The following PTPRS variants were observed in gnomAD, a reference collection of about 807,000 sequenced individuals.
PTPRS encodes the protein protein tyrosine phosphatase receptor type S.
In PTPRS, 63 loss-of-function variants were observed where a neutral mutation model predicts 215.3. The ratio of observed to expected loss-of-function variants is 0.29; its 90% confidence interval spans 0.24 to 0.36. The LOEUF is 0.36. PTPRS is among the 10% of genes least tolerant of loss of function. PTPRS has a pLI of 1.00. For synonymous variants in PTPRS, 1,404 were observed against 1,191.4 expected (o/e 1.18, Z -3.68); for missense variants, 2,258 against 2,825.8 (o/e 0.80, Z 4.56).
intron 1 of PTPRS, among the ~76,000 whole-genome samples, chr19:5,336,628 C>G (rs1303289669): frequency 6.6e-6 from 1 of 152,154 alleles, no homozygotes; most frequent in Non-Finnish European, 1.5e-5. Flanking sequence ...GCCCCGGATA[C>G]GTGCCTTGGT....
chr19:5,267,165 A>G (rs1488614384), intron 4 of PTPRS, among the ~76,000 whole-genome samples: 3 of 138,716 alleles, frequency 2.2e-5, no homozygotes, highest in Non-Finnish European at 4.7e-5. Flanking sequence ...TTGGGTGGTG[A>G]GGTTCTGGCT....
Position 5,223,138 on chromosome 19 carries a change from G to A in PTPRS, c.2654C>T (p.Pro885Leu), listed in dbSNP as rs774339890. Residue 885 changes from proline to leucine, a missense_variant, in exon 18 of 38, where the codon CCC (proline) becomes CTC (leucine). This residue lies in a region of PTPRS where 361 missense variants were observed against 332.6 expected (regional missense o/e 1.09). Coordinates refer to ENST00000262963, the MANE Select transcript of PTPRS (RefSeq NM_002850.4). ...TGATGCCGTGTAGCGGTCCTCGGAG[G>A]GCGGGAACTCCAGGGTGGCCAGGGG... The part of the protein sequence containing the change: ...STPLATLEFP[P>L]SEDRYTASGV... 13 of 1,571,008 alleles carry A rather than the reference G, an allele frequency of 8.3e-6. No individual in the cohort carries two copies. Among genetic ancestry groups the A allele is most frequent in the Non-Finnish European group, 1.7e-6 (2 of 1,158,406 alleles).
rs1228005504 is a variant in PTPRS at position 5,219,478 on chromosome 19, A to T, written c.3766-11T>A. 6.4e-7 allele frequency: 1 copy of T among 1,556,882 alleles called. No homozygotes were observed. The highest frequency in any genetic ancestry group is 2.3e-5 in the East Asian group (1 of 44,264). ...ACTGGCTGCAAAGGTCTGCAGGGAA[A>T]GGAGGGGGGTCTCCATCAGTGTCCA... On this transcript the variant is annotated splice_polypyrimidine_tract_variant and intron_variant, in intron 22 of 37. Transcript: ENST00000262963.
At chr19:5,314,005 C>T (rs943058549) in intron 1 of PTPRS, among the ~76,000 whole-genome samples, 7 of 151,762 alleles carry the variant, frequency 4.6e-5, no homozygotes, top group East Asian at 1.9e-4. Context: ...GGCATGGTGG[C>T]GTGTGTCTGT....
At chr19:5,235,531 C>T (rs1249376761) in intron 13 of PTPRS, among the ~76,000 whole-genome samples, 1 of 152,178 alleles carries the variant, frequency 6.6e-6, no homozygotes, top group African/African-American at 2.4e-5. Context: ...ACACTTAGGC[C>T]ACCTCTTTAT....
Position 5,218,512 on chromosome 19 carries a change from G to C in PTPRS, c.3956C>G (p.Pro1319Arg), listed in dbSNP as rs762505033. 1.9e-6 allele frequency: 3 copies of C among 1,614,134 alleles called. No homozygotes were observed. The highest frequency in any genetic ancestry group is 2.5e-6 in the Non-Finnish European group (3 of 1,180,028). The change falls in exon 25 of 38, where the codon CCC becomes CGC. Residue 1319 changes from proline (P) to arginine (R), a missense_variant. Physicochemically the swap from Pro to Arg is moderately radical, Grantham distance 103 (BLOSUM62 -2). Coordinates refer to ENST00000262963, the MANE Select transcript of PTPRS (RefSeq NM_002850.4). ...ATTGTTCAGGAGGCATTTGGTGCGG[G>C]GTTCTGAGTCCTTGCGTTTACTTTA... ...KPDSKRKDSE[P>R]RTKCLLNNAD...
intron 1 of PTPRS, among the ~76,000 whole-genome samples, chr19:5,300,074 C>G (rs1379571731): frequency 6.6e-6 from 1 of 151,744 alleles, no homozygotes; most frequent in African/African-American, 2.4e-5. Context: ...AACCCCATCT[C>G]TACTAAAAAC....
intron 2 of PTPRS, among the ~76,000 whole-genome samples, chr19:5,282,741 G>A (rs1599930697): frequency 1.3e-5 from 2 of 151,558 alleles, no homozygotes; most frequent in African/African-American, 4.8e-5. Context: ...GGCAGAGGCT[G>A]CAGTGGGAGC....
At chr19:5,232,395 C>G (rs985249243) in intron 13 of PTPRS, among the ~76,000 whole-genome samples, 3 of 151,016 alleles carry the variant, frequency 2.0e-5, no homozygotes, top group African/African-American at 7.3e-5. Flanking sequence ...TTATTAGGCA[C>G]CTCCTATGTG....
At chr19:5,312,653 C>T (rs1020992653) in intron 1 of PTPRS, among the ~76,000 whole-genome samples, 14 of 151,994 alleles carry the variant, frequency 9.2e-5, no homozygotes, top group African/African-American at 2.7e-4. Flanking sequence ...AGAGCAAGAC[C>T]CTGTCTCTAA....
At chr19:5,302,066 G>A (rs896056909) in intron 1 of PTPRS, among the ~76,000 whole-genome samples, 1 of 150,618 alleles carries the variant, frequency 6.6e-6, no homozygotes, top group Non-Finnish European at 1.5e-5. Flanking sequence ...ACAGGTGTGA[G>A]CCACCACACT....
chr19:5,313,626 C>T (rs565379324), intron 1 of PTPRS, among the ~76,000 whole-genome samples: 6 of 152,238 alleles, frequency 3.9e-5, no homozygotes, highest in African/African-American at 9.6e-5. Flanking sequence ...GGAAATGTCA[C>T]GACCATCAAG....
intron 35 of PTPRS, among the ~76,000 whole-genome samples, 154 bp from the exon 36 acceptor site, chr19:5,208,545 G>A (rs879863056): frequency 6.6e-6 from 1 of 152,046 alleles, no homozygotes; most frequent in Non-Finnish European, 1.5e-5. Context: ...GCAATGGCGT[G>A]ATCTCGGCTC....
chr19:5,273,281 G>A lies in PTPRS; in HGVS notation c.379+161C>T, dbSNP rs142051579. 1.3e-3 allele frequency: 1,137 copies of A among 906,884 alleles called. 5 individuals carry two copies. The highest frequency in any genetic ancestry group is 5.0e-3 in the Middle Eastern group (22 of 4,366). The allele number at this position is 906,884 out of a possible 1,614,324, so 56.2% of individuals were successfully genotyped here. The stretch of plus-strand genomic sequence containing the variant: ...GCACAATAAATCCCCACCAGTAGGC[G>A]CTGGGCCCTGAGACTGTTACTGGTT... On this transcript the variant is annotated intron_variant, in intron 4 of 37. Coordinates refer to ENST00000262963, the MANE Select transcript of PTPRS (RefSeq NM_002850.4).
At chr19:5,321,471 A>G (rs909922083) in intron 1 of PTPRS, among the ~76,000 whole-genome samples, 3 of 152,224 alleles carry the variant, frequency 2.0e-5, no homozygotes, top group Non-Finnish European at 4.4e-5. Flanking sequence ...TCTACCGCCT[A>G]GAAGTGGCAG....
intron 1 of PTPRS, among the ~76,000 whole-genome samples, chr19:5,300,637 G>A (rs2049272259): frequency 6.6e-6 from 1 of 151,844 alleles, no homozygotes; most frequent in Non-Finnish European, 1.5e-5. Context: ...CGGGCATGGT[G>A]GTGCATGCCT....
At chr19:5,211,504 C>T (rs1400253040) in intron 33 of PTPRS, 86 bp downstream of exon 33, 9 of 1,389,522 alleles carry the variant, frequency 6.5e-6, no homozygotes, top group Non-Finnish European at 7.8e-6. Flanking sequence ...ATCTCCCCAG[C>T]TCTGTCTCCC....
At chr19:5,227,591 GTA>G (rs1176136784) in intron 16 of PTPRS, among the ~76,000 whole-genome samples, 2 of 151,578 alleles carry the variant, frequency 1.3e-5, no homozygotes, top group Admixed American at 6.6e-5. Flanking sequence ...TGTATTTTTA[GTA>G]GAGACAGGGT....
intron 4 of PTPRS, among the ~76,000 whole-genome samples, chr19:5,266,569 G>A (rs558297994): frequency 7.1e-4 from 108 of 152,178 alleles, no homozygotes; most frequent in African/African-American, 2.5e-3. Flanking sequence ...GTTTTGCCAT[G>A]TTGGCCAGGC....
Sources: gnomAD v4.1 joint callset for allele counts (sites outside exome capture counted in the v4.1 genomes callset) on GRCh38, gnomAD v4.1.1 for gene constraint, gnomAD v4.1.1 regional missense constraint, MANE v1.5 for transcripts, NCBI Gene and HGNC (gene_info 2026-07-23, HGNC 2026-07-21) for gene names.